Variants in DUSP16 observed in about 807,000 individuals in gnomAD.
DUSP16 encodes dual specificity protein phosphatase 16.
Under a neutral mutation model 58.3 loss-of-function variants are expected in DUSP16, and 21 were observed. The observed-to-expected ratio is 0.36, with a 90% confidence interval of 0.26 to 0.52. DUSP16 has a LOEUF of 0.52. DUSP16 is among the 20% of genes least tolerant of loss of function. The probability of loss-of-function intolerance (pLI) is 0.94; values close to 1 mark genes in which losing one functional copy is unlikely to be tolerated. For synonymous variants in DUSP16, 320 were observed against 323.8 expected (o/e 0.99, Z 0.12); for missense variants, 726 against 819.0 (o/e 0.89, Z 1.39).
intron 1 of DUSP16, among the ~76,000 whole-genome samples, chr12:12,550,049 G>A (rs1359647057): frequency 6.6e-6 from 1 of 152,100 alleles, no homozygotes; most frequent in Non-Finnish European, 1.5e-5. Flanking sequence ...GAGGCAGGTG[G>A]ATCACCTGAG....
intron 1 of DUSP16, among the ~76,000 whole-genome samples, chr12:12,527,421 T>C (rs1944322218): frequency 6.6e-6 from 1 of 152,098 alleles, no homozygotes; most frequent in Non-Finnish European, 1.5e-5. Context: ...TTGATAGAAA[T>C]TCTGAGCTCT....
intron 3 of DUSP16, 107 bp from the exon 4 acceptor site, chr12:12,500,789 A>G: frequency 1.0e-6 from 1 of 990,256 alleles, no homozygotes; most frequent in Middle Eastern, 3.3e-4. Flanking sequence ...CCAAGTGGAT[A>G]TCACTGCACA....
At position 12,474,044 on chromosome 12, in the gene DUSP16, C is replaced by T. The variant is rs1004535979; in HGVS notation, c.*2789G>A. 6.6e-6 allele frequency among the ~76,000 whole-genome samples: 1 copy of T among 152,178 alleles called. No individual in the cohort carries two copies. Among genetic ancestry groups the T allele is most frequent in the Non-Finnish European group, 1.5e-5 (1 of 68,026 alleles). ...GGCACTAAACTGTTAGCTAATCATCCGGTGTTCCATGTGAATGACAGAACA... is the reference window on the plus strand; with the variant it reads ...GGCACTAAACTGTTAGCTAATCATCTGGTGTTCCATGTGAATGACAGAACA... On this transcript the variant is annotated 3_prime_UTR_variant, in exon 7 of 7. Coordinates refer to ENST00000298573, the MANE Select transcript of DUSP16 (RefSeq NM_030640.3).
intron 4 of DUSP16, among the ~76,000 whole-genome samples, chr12:12,494,618 G>A (rs551123611): frequency 4.6e-5 from 7 of 152,252 alleles, no homozygotes; most frequent in South Asian, 2.1e-4. Flanking sequence ...CTCAGATGGC[G>A]GTAGAGGCAT....
intron 3 of DUSP16, among the ~76,000 whole-genome samples, chr12:12,507,770 C>T (rs879827646): frequency 2.6e-5 from 4 of 152,176 alleles, no homozygotes; most frequent in Non-Finnish European, 4.4e-5. Flanking sequence ...CCATCATGCC[C>T]GGCTAATTTT....
rs1944916348 is a variant in DUSP16 at position 12,562,250 on chromosome 12, C to T, written c.-499G>A. On this transcript the variant is annotated 5_prime_UTR_variant, in exon 1 of 7. Coordinates refer to ENST00000298573, the MANE Select transcript of DUSP16 (RefSeq NM_030640.3). ...CCGAGAGGGCGGCTGCGCTCCCGCT[C>T]GCGTCCCGTCCCGTCGCTCTCCTCC... 6.8e-6 allele frequency: 1 copy of T among 147,854 alleles called. No homozygotes were observed. The highest frequency in any genetic ancestry group is 6.7e-5 in the Admixed American group (1 of 14,934). The allele number at this position is 147,854 out of a possible 1,614,324, so 9.2% of individuals were successfully genotyped here. A position where few individuals can be genotyped will look rare whatever the true frequency, so the allele number is the denominator to read the frequency against.
chr12:12,550,167 G>T (rs888627380), intron 1 of DUSP16, among the ~76,000 whole-genome samples: 8 of 151,944 alleles, frequency 5.3e-5, no homozygotes, highest in Admixed American at 5.2e-4. Context: ...CAGCTGCTTG[G>T]GAGGCTGAGG....
intron 3 of DUSP16, among the ~76,000 whole-genome samples, chr12:12,514,813 G>A (rs1592187102): frequency 6.6e-6 from 1 of 152,012 alleles, no homozygotes; most frequent in African/African-American, 2.4e-5. Flanking sequence ...TGATACCACC[G>A]CACCCGGCTA....
At chr12:12,494,734 G>A (rs1477702832) in intron 4 of DUSP16, among the ~76,000 whole-genome samples, 1 of 152,160 alleles carries the variant, frequency 6.6e-6, no homozygotes, top group Non-Finnish European at 1.5e-5. Flanking sequence ...GATGAGCAGA[G>A]GAAGAGAACA....
At chr12:12,526,580 A>G (rs903578448) in intron 1 of DUSP16, among the ~76,000 whole-genome samples, 1 of 152,238 alleles carries the variant, frequency 6.6e-6, no homozygotes, top group East Asian at 1.9e-4. Flanking sequence ...AATTACTTAA[A>G]AGGAAAATGT....
intron 3 of DUSP16, among the ~76,000 whole-genome samples, chr12:12,518,538 C>A (rs1265391106): frequency 1.3e-5 from 2 of 151,396 alleles, no homozygotes; most frequent in Non-Finnish European, 2.9e-5. Context: ...AAAGAAAAAC[C>A]CTGATCCCAT....
chr12:12,545,448 T>TA (rs902415413), intron 1 of DUSP16, among the ~76,000 whole-genome samples: 1 of 150,324 alleles, frequency 6.7e-6, no homozygotes, highest in Non-Finnish European at 1.5e-5. Flanking sequence ...TGTACTTTTT[T>TA]TTTTTTTTTT....
intron 4 of DUSP16, among the ~76,000 whole-genome samples, chr12:12,493,285 C>A (rs1943786357): frequency 6.6e-6 from 1 of 152,104 alleles, no homozygotes; most frequent in Non-Finnish European, 1.5e-5. Flanking sequence ...TTTCACACAC[C>A]CCTACCATCC....
intron 1 of DUSP16, among the ~76,000 whole-genome samples, chr12:12,536,996 G>A (rs11054959): frequency 3.3e-5 from 5 of 151,748 alleles, no homozygotes; most frequent in East Asian, 3.9e-4. Flanking sequence ...CCAAGATCAC[G>A]CCACTGCACT....
chr12:12,480,384 A>G, intron 5 of DUSP16, 38 bp from the exon 6 acceptor site: 2 of 1,594,722 alleles, frequency 1.3e-6, no homozygotes, highest in Admixed American at 1.7e-5. Flanking sequence ...ACTACTAACT[A>G]TTTTGTTCAG....
At chr12:12,498,663 C>T (rs1943867485) in intron 4 of DUSP16, among the ~76,000 whole-genome samples, 1 of 152,146 alleles carries the variant, frequency 6.6e-6, no homozygotes, top group African/African-American at 2.4e-5. Context: ...GATCTGCCCA[C>T]CTGACCCTTC....
chr12:12,537,314 T>C lies in DUSP16; in HGVS notation c.-365-15851A>G, dbSNP rs149541546. On this transcript the variant is annotated intron_variant, in intron 1 of 6. Coordinates refer to ENST00000298573, the MANE Select transcript of DUSP16 (RefSeq NM_030640.3). ...CAACAGTGACTATAGTGTGAGCAAATTTTTAAAAAGTTTTTAAATGTAATT... is the reference window on the plus strand; with the variant it reads ...CAACAGTGACTATAGTGTGAGCAAACTTTTAAAAAGTTTTTAAATGTAATT... 3.9e-4 allele frequency among the ~76,000 whole-genome samples: 60 copies of C among 152,150 alleles called. 1 individual carries two copies. Among genetic ancestry groups the C allele is most frequent in the Non-Finnish European group, 7.3e-5 (5 of 68,030 alleles).
chr12:12,500,439 C>G, intron 4 of DUSP16, 80 bp downstream of exon 4: 1 of 1,467,842 alleles, frequency 6.8e-7, no homozygotes, highest in Non-Finnish European at 9.1e-7. Flanking sequence ...GGGTGTGTTT[C>G]AAATGACATA....
intron 1 of DUSP16, among the ~76,000 whole-genome samples, chr12:12,539,932 G>A (rs1259721038): frequency 6.6e-6 from 1 of 151,980 alleles, no homozygotes; most frequent in East Asian, 1.9e-4. Flanking sequence ...CATAGTCCCA[G>A]CTACTCGGGA....
Sources: gnomAD v4.1 joint callset for allele counts (sites outside exome capture counted in the v4.1 genomes callset) on GRCh38, gnomAD v4.1.1 for gene constraint, MANE v1.5 for transcripts, NCBI Gene and HGNC (gene_info 2026-07-23, HGNC 2026-07-21) for gene names.